The following CRB1 variants were observed in gnomAD, a reference collection of about 807,000 sequenced individuals.
CRB1 encodes protein crumbs homolog 1.
CRB1 carries 83 observed loss-of-function variants against 120.0 expected under a neutral mutation model. The observed-to-expected ratio is 0.69, with a 90% CI of 0.58 to 0.83. The LOEUF is 0.83. Ranked by LOEUF, CRB1 falls within the 40% of genes least tolerant of loss-of-function variation. The probability of loss-of-function intolerance (pLI) is 0.00; values close to 1 mark genes in which losing one functional copy is unlikely to be tolerated. For missense variants in CRB1, 1,699 were observed against 1,687.6 expected, an observed-to-expected ratio of 1.01 and a Z score of -0.12; for synonymous variants, 625 against 612.5, an observed-to-expected ratio of 1.02 and a Z score of -0.30.
chr1:197,279,514 AT>A (rs976640287), intron 1 of CRB1, among the ~76,000 whole-genome samples: 5 of 148,292 alleles, frequency 3.4e-5, no homozygotes, highest in Non-Finnish European at 7.5e-5. Context: ...ATTATATCAA[AT>A]TTTTTTTTGT....
intron 1 of CRB1, among the ~76,000 whole-genome samples, chr1:197,321,008 G>A (rs1658158346): frequency 6.6e-6 from 1 of 152,178 alleles, no homozygotes; most frequent in Non-Finnish European, 1.5e-5. Flanking sequence ...CCTTCTCTCT[G>A]ATTTCAAACA....
intron 11 of CRB1, among the ~76,000 whole-genome samples, chr1:197,475,261 A>T (rs1287920666): frequency 6.6e-6 from 1 of 152,016 alleles, no homozygotes; most frequent in Non-Finnish European, 1.5e-5. Context: ...CTGACCTCAT[A>T]TTCTTCCTAC....
chr1:197,315,146 C>T (rs2125279328), intron 1 of CRB1, among the ~76,000 whole-genome samples: 1 of 152,298 alleles, frequency 6.6e-6, no homozygotes, highest in South Asian at 2.1e-4. Context: ...TAGTTCTGCA[C>T]TAACAGTGCT....
chr1:197,460,352 G>A, intron 11 of CRB1, among the ~76,000 whole-genome samples: 1 of 152,012 alleles, frequency 6.6e-6, no homozygotes, highest in African/African-American at 2.4e-5. Flanking sequence ...GCAGTGGTTG[G>A]TTTGAACATT....
At chr1:197,254,537 T>A in the CRB1 span, among the ~76,000 whole-genome samples, 1 of 152,052 alleles carries the variant, frequency 6.6e-6, no homozygotes, top group African/African-American at 2.4e-5. Flanking sequence ...TCTGTTGCTA[T>A]TTCTACTTCT....
chr1:197,309,303 T>C (rs1657368977), intron 1 of CRB1, among the ~76,000 whole-genome samples: 3 of 152,030 alleles, frequency 2.0e-5, no homozygotes, highest in Admixed American at 1.3e-4. Context: ...TCTTACTACG[T>C]CTTTGCTGAC....
chr1:197,248,404 G>C, the CRB1 span, among the ~76,000 whole-genome samples: 1 of 151,914 alleles, frequency 6.6e-6, no homozygotes, highest in Non-Finnish European at 1.5e-5. Context: ...CTGTAAAATA[G>C]GAAAATACTA....
intron 5 of CRB1, among the ~76,000 whole-genome samples, chr1:197,383,154 C>T (rs1172699360): frequency 1.3e-5 from 2 of 152,084 alleles, no homozygotes; most frequent in Non-Finnish European, 2.9e-5. Context: ...TTTTCTTTCA[C>T]CAGTTCACCC....
chr1:197,435,639 G>T (rs1558139315), intron 9 of CRB1, 27 bp downstream of exon 9: 4 of 1,586,524 alleles, frequency 2.5e-6, no homozygotes, highest in Admixed American at 1.7e-5. Flanking sequence ...TATGAAGCTT[G>T]GTCTTTGAAG....
chr1:197,252,582 A>ATGTGTGTGTGTGTG, the CRB1 span, among the ~76,000 whole-genome samples: 58 of 15,504 alleles, frequency 3.7e-3, no homozygotes, highest in Non-Finnish European at 5.4e-3. Flanking sequence ...ATATATATAT[A>ATGTGTGTGTGTGTG]TGTGTGTGTG....
chr1:197,273,684 T>G (rs1277667741), intron 1 of CRB1, among the ~76,000 whole-genome samples: 2 of 152,162 alleles, frequency 1.3e-5, no homozygotes, highest in Non-Finnish European at 2.9e-5. Context: ...TTTTATTTTG[T>G]TACTCAAATT....
intron 1 of CRB1, among the ~76,000 whole-genome samples, chr1:197,281,351 T>G (rs1655509958): frequency 6.6e-6 from 1 of 151,844 alleles, no homozygotes; most frequent in African/African-American, 2.4e-5. Context: ...TTCCCAAATG[T>G]TTTCACACTG....
chr1:197,415,122 G>GA (rs1433898004), intron 5 of CRB1, among the ~76,000 whole-genome samples: 6 of 151,748 alleles, frequency 4.0e-5, no homozygotes, highest in Admixed American at 6.6e-5. Context: ...GCAATCATAA[G>GA]AAAAAAAACA....
At chr1:197,208,533 GTGTC>G in the CRB1 span, among the ~76,000 whole-genome samples, 1 of 152,174 alleles carries the variant, frequency 6.6e-6, no homozygotes, top group African/African-American at 2.4e-5. Flanking sequence ...GGCTCCAGAA[GTGTC>G]TGCGCAGAGT....
intron 5 of CRB1, among the ~76,000 whole-genome samples, chr1:197,379,086 T>C (rs1286147124): frequency 2.6e-5 from 4 of 152,198 alleles, no homozygotes; most frequent in African/African-American, 9.6e-5. Flanking sequence ...TAGAGTTGTT[T>C]GTGGATAGGA....
chr1:197,265,179 T>C (rs1487094380), upstream of CRB1, among the ~76,000 whole-genome samples: 1 of 152,210 alleles, frequency 6.6e-6, no homozygotes, highest in Non-Finnish European at 1.5e-5. Flanking sequence ...ATTTGTGAAC[T>C]GTGAATTGTA....
chr1:197,437,568 A>G (rs1290424169), intron 9 of CRB1, among the ~76,000 whole-genome samples: 2 of 152,168 alleles, frequency 1.3e-5, no homozygotes, highest in African/African-American at 4.8e-5. Flanking sequence ...ATGTATACAA[A>G]GCTTCATATT....
At chr1:197,447,853 C>CAAAAAAA (rs397861586) in intron 11 of CRB1, among the ~76,000 whole-genome samples, 1 of 60,014 alleles carries the variant, frequency 1.7e-5, no homozygotes, top group Non-Finnish European at 3.5e-5. Flanking sequence ...GAACCTGTCT[C>CAAAAAAA]AAAAAAAAAA....
intron 1 of CRB1, among the ~76,000 whole-genome samples, chr1:197,282,240 G>T (rs984835265): frequency 1.3e-5 from 2 of 151,606 alleles, no homozygotes; most frequent in Non-Finnish European, 3.0e-5. Flanking sequence ...AAAAAAAGAA[G>T]ATAAAGAGTT....
Sources: gnomAD v4.1 joint callset for allele counts (sites outside exome capture counted in the v4.1 genomes callset) on GRCh38, gnomAD v4.1.1 for gene constraint, MANE v1.5 for transcripts, NCBI Gene and HGNC (gene_info 2026-07-23, HGNC 2026-07-21) for gene names.